KCNB2: variants seen among roughly 807,000 people sequenced by gnomAD.
The protein encoded by KCNB2 is potassium voltage-gated channel subfamily B member 2.
KCNB2 carries 15 observed loss-of-function variants against 61.5 expected under a neutral mutation model. That is an observed-to-expected ratio of 0.24 (90% confidence interval 0.16 to 0.38). KCNB2 has a LOEUF of 0.38. Among genes scored for constraint, KCNB2 ranks in the 10% least tolerant of loss-of-function variants. The pLI is 1.00. For missense variants in KCNB2, 828 were observed against 1,125.2 expected (o/e 0.74, Z 3.78); for synonymous variants, 457 against 446.0 (o/e 1.02, Z -0.31).
intron 2 of KCNB2, among the ~76,000 whole-genome samples, chr8:72,828,266 T>G (rs1018644395): frequency 1.3e-5 from 2 of 152,358 alleles, no homozygotes; most frequent in Admixed American, 6.5e-5. Context: ...GCTTAGTTTT[T>G]ATGGAATTTC....
chr8:72,548,444 TG>T (rs1806294768), intron 1 of KCNB2, among the ~76,000 whole-genome samples: 3 of 152,208 alleles, frequency 2.0e-5, no homozygotes, highest in Admixed American at 2.0e-4. Context: ...CTTTGGACCC[TG>T]GTTTGCTATC....
chr8:72,557,688 T>C (rs1174474895), intron 1 of KCNB2, among the ~76,000 whole-genome samples: 1 of 152,218 alleles, frequency 6.6e-6, no homozygotes, highest in Non-Finnish European at 1.5e-5. Context: ...TTGAGGTCCA[T>C]CTTGTCAATA....
rs538661166 is a variant in KCNB2, at chr8:72,551,532, G to A, written c.-94+13647G>A. ...GGCTTTCTTGCTAGAAGGCCGTCTC[G>A]CATAGTTACTTGGGATGCTCTCTCT... On this transcript the variant is annotated intron_variant, in intron 1 of 2. Coordinates refer to ENST00000523207, the MANE Select transcript of KCNB2 (RefSeq NM_004770.3). Among the ~76,000 whole-genome samples the A allele has an allele frequency of 3.3e-5, 5 of 152,094 alleles. No homozygotes were observed. In the East Asian group the frequency reaches 5.8e-4, roughly 18 times the overall value.
chr8:72,794,282 G>A (rs1484299687), intron 2 of KCNB2, among the ~76,000 whole-genome samples: 1 of 152,054 alleles, frequency 6.6e-6, no homozygotes, highest in Non-Finnish European at 1.5e-5. Context: ...GTTAAAAAAT[G>A]GTGGCCGGAC....
intron 2 of KCNB2, among the ~76,000 whole-genome samples, chr8:72,628,161 C>G (rs997781771): frequency 3.3e-5 from 5 of 152,066 alleles, no homozygotes; most frequent in Non-Finnish European, 7.4e-5. Context: ...GGCATGTTGC[C>G]CAGGCTGCTC....
Position 72,937,947 on chromosome 8 carries a change from G to A in KCNB2, c.2592G>A (p.Arg864=), listed in dbSNP as rs146324637. The change falls in exon 3 of 3, where the codon AGG becomes AGA. Residue 864 remains arginine, a synonymous_variant. Coordinates refer to ENST00000523207, the MANE Select transcript of KCNB2 (RefSeq NM_004770.3). The part of the protein sequence containing the change: ...SSPQDTGHNC[R]QDIYHAVSEV... ...CGCAGGACACAGGTCACAACTGTAG[G>A]CAAGACATTTACCATGCTGTGAGTG... The A allele has an allele frequency of 5.0e-6, 8 of 1,613,976 alleles. No homozygotes were observed. The African/African-American group carries it at 1.1e-4, about 22-fold the overall frequency.
intron 2 of KCNB2, among the ~76,000 whole-genome samples, chr8:72,779,585 A>G (rs1212836869): frequency 6.6e-6 from 1 of 152,150 alleles, no homozygotes; most frequent in Non-Finnish European, 1.5e-5. Flanking sequence ...GATCCTATTA[A>G]TTTTCATTTT....
chr8:72,625,360 T>A (rs181293024), intron 2 of KCNB2, among the ~76,000 whole-genome samples: 21 of 152,340 alleles, frequency 1.4e-4, no homozygotes, highest in African/African-American at 4.8e-4. Context: ...ATCTCAATTA[T>A]AATTTCAAAG....
intron 2 of KCNB2, among the ~76,000 whole-genome samples, chr8:72,603,734 G>A (rs1259312344): frequency 6.6e-6 from 1 of 152,126 alleles, no homozygotes; most frequent in African/African-American, 2.4e-5. Flanking sequence ...TGCTGCAGAT[G>A]TCATTAGTTA....
intron 2 of KCNB2, among the ~76,000 whole-genome samples, chr8:72,892,967 AC>A (rs1211811815): frequency 1.3e-5 from 2 of 152,120 alleles, no homozygotes; most frequent in Non-Finnish European, 2.9e-5. Context: ...CAGCTGATCA[AC>A]CCTTGGGAAT....
At chr8:72,729,715 C>G (rs1807709987) in intron 2 of KCNB2, among the ~76,000 whole-genome samples, 1 of 152,092 alleles carries the variant, frequency 6.6e-6, no homozygotes, top group South Asian at 2.1e-4. Flanking sequence ...GAAACGCTGT[C>G]TCTACTAAAA....
intron 2 of KCNB2, among the ~76,000 whole-genome samples, chr8:72,919,072 A>G (rs1806452742): frequency 6.6e-6 from 1 of 152,226 alleles, no homozygotes. Flanking sequence ...CACAGCTAGC[A>G]ATATTTATCA....
chr8:72,793,964 G>A (rs1406963673), intron 2 of KCNB2, among the ~76,000 whole-genome samples: 1 of 152,156 alleles, frequency 6.6e-6, no homozygotes, highest in South Asian at 2.1e-4. Flanking sequence ...GCCTTTGAAG[G>A]CCAGGGTAAG....
chr8:72,560,674 A>G (rs867712121), intron 1 of KCNB2, among the ~76,000 whole-genome samples: 5 of 152,234 alleles, frequency 3.3e-5, no homozygotes, highest in South Asian at 2.1e-4. Flanking sequence ...AGCTGAATGT[A>G]GATATAAAAA....
intron 2 of KCNB2, among the ~76,000 whole-genome samples, chr8:72,851,834 A>AAAAAAAAAAAAAAAAAC (rs1810118348): frequency 7.0e-6 from 1 of 142,214 alleles, no homozygotes; most frequent in Non-Finnish European, 1.5e-5. Flanking sequence ...AGGAAAAAAA[A>AAAAAAAAAAAAAAAAAC]AAAAAAAAAA....
At chr8:72,835,867 TA>T (rs1809773315) in intron 2 of KCNB2, among the ~76,000 whole-genome samples, 1 of 152,226 alleles carries the variant, frequency 6.6e-6, no homozygotes, top group East Asian at 1.9e-4. Flanking sequence ...GGTGCTGCGC[TA>T]GCTGTGAACC....
intron 1 of KCNB2, among the ~76,000 whole-genome samples, chr8:72,561,742 TATATGTATATATATATATGG>T (rs1806527872): frequency 3.7e-5 from 1 of 27,110 alleles, no homozygotes; most frequent in African/African-American, 3.1e-4. Flanking sequence ...TATCTATATA[TATATGTATATATATATATGG>T]ATATATATAT....
At chr8:72,733,450 G>A (rs1279620743) in intron 2 of KCNB2, among the ~76,000 whole-genome samples, 1 of 152,052 alleles carries the variant, frequency 6.6e-6, no homozygotes, top group Non-Finnish European at 1.5e-5. Context: ...TGAAAGCATG[G>A]GTTCTGCAAT....
intron 2 of KCNB2, among the ~76,000 whole-genome samples, chr8:72,890,570 A>G (rs2129005788): frequency 6.6e-6 from 1 of 152,342 alleles, no homozygotes; most frequent in Non-Finnish European, 1.5e-5. Flanking sequence ...GGTCACCACA[A>G]GAACCAGCAG....
Sources: allele counts gnomAD v4.1 joint callset (sites outside exome capture counted in the v4.1 genomes callset), GRCh38; gene constraint gnomAD v4.1.1; transcripts MANE v1.5; gene names NCBI Gene and HGNC (gene_info 2026-07-23, HGNC 2026-07-21).